Variants in CSMD1 observed in about 807,000 individuals in gnomAD.
The protein encoded by CSMD1 is CUB and sushi domain-containing protein 1.
Under a neutral mutation model 417.5 loss-of-function variants are expected in CSMD1, and 213 were observed. The observed-to-expected ratio is 0.51, with a 90% confidence interval of 0.46 to 0.57. The LOEUF is 0.57. Among genes scored for constraint, CSMD1 ranks in the 20% least tolerant of loss-of-function variants. The pLI, the probability that CSMD1 is intolerant of heterozygous loss-of-function variation, is 0.00. For missense variants in CSMD1, 6,923 were observed against 4,529.7 expected (o/e 1.53, Z -15.17); for synonymous variants, 2,862 against 1,736.8 (o/e 1.65, Z -16.11).
intron 1 of CSMD1, among the ~76,000 whole-genome samples, chr8:4,908,893 C>A (rs1202005227): frequency 6.6e-6 from 1 of 152,176 alleles, no homozygotes; most frequent in Admixed American, 6.5e-5. Flanking sequence ...CCCTGACTGG[C>A]AATGTCAACA....
intron 5 of CSMD1, among the ~76,000 whole-genome samples, chr8:3,823,366 T>C (rs950661552): frequency 6.6e-6 from 1 of 152,172 alleles, no homozygotes; most frequent in Non-Finnish European, 1.5e-5. Context: ...CCCGGTTGCA[T>C]TATTTAAAGG....
At chr8:2,994,858 A>G (rs1806739051) in intron 54 of CSMD1, among the ~76,000 whole-genome samples, 1 of 152,166 alleles carries the variant, frequency 6.6e-6, no homozygotes, top group Non-Finnish European at 1.5e-5. Flanking sequence ...TTGAATATCC[A>G]TAGGTTAAAA....
At position 3,729,943 on chromosome 8, in the gene CSMD1, A is replaced by C. The variant is rs1250126952; in HGVS notation, c.932-21452T>G. Among the ~76,000 whole-genome samples, 5 of 24,504 alleles carry C rather than the reference A, an allele frequency of 2.0e-4. No individual in the cohort carries two copies. The East Asian group carries it at 9.6e-3, about 47-fold the overall frequency. 16.1% of individuals were successfully genotyped at this position (24,504 alleles called of 152,430 possible). ...AAAGTAAAAAAAAAAAAAAAAAAAA[A>C]AAAAAAAAAAAAAAAAAACAAAAAC... On this transcript the variant is annotated intron_variant, in intron 6 of 69. Transcript: ENST00000635120.
chr8:4,100,554 G>T (rs1373703231), intron 3 of CSMD1, among the ~76,000 whole-genome samples: 1 of 152,158 alleles, frequency 6.6e-6, no homozygotes, highest in Non-Finnish European at 1.5e-5. Flanking sequence ...TCAAATCAAA[G>T]AATGTATAAA....
At chr8:3,008,567 G>A (rs983368855) in intron 52 of CSMD1, among the ~76,000 whole-genome samples, 1 of 152,172 alleles carries the variant, frequency 6.6e-6, no homozygotes, top group African/African-American at 2.4e-5. Context: ...TTCGTTTCCA[G>A]TAGAGTGAAC....
intron 2 of CSMD1, among the ~76,000 whole-genome samples, chr8:4,424,155 C>G (rs1055223702): frequency 6.6e-6 from 1 of 151,720 alleles, no homozygotes; most frequent in Non-Finnish European, 1.5e-5. Flanking sequence ...ATGCTTGACA[C>G]CAAAATTACA....
chr8:3,094,759 G>A (rs966063908), intron 47 of CSMD1, among the ~76,000 whole-genome samples: 2 of 127,856 alleles, frequency 1.6e-5, no homozygotes, highest in Non-Finnish European at 3.2e-5. Context: ...TATTCAACAT[G>A]TTTTTTGGTC....
At chr8:4,743,801 G>A (rs950480819) in intron 1 of CSMD1, among the ~76,000 whole-genome samples, 8 of 152,138 alleles carry the variant, frequency 5.3e-5, no homozygotes, top group Non-Finnish European at 1.0e-4. Flanking sequence ...GATACCCTCA[G>A]GTGCTATGAA....
intron 7 of CSMD1, among the ~76,000 whole-genome samples, chr8:3,699,634 C>T (rs982616341): frequency 6.6e-6 from 1 of 151,814 alleles, no homozygotes; most frequent in Non-Finnish European, 1.5e-5. Context: ...ATGTTACTAC[C>T]GTTATGACAG....
intron 11 of CSMD1, among the ~76,000 whole-genome samples, chr8:3,478,295 G>C (rs989857563): frequency 4.6e-5 from 7 of 152,192 alleles, no homozygotes; most frequent in Admixed American, 4.6e-4. Context: ...CAAACCTCTT[G>C]ATCTTGCAGA....
intron 1 of CSMD1, among the ~76,000 whole-genome samples, chr8:4,959,507 C>G (rs1809336880): frequency 6.6e-6 from 1 of 152,204 alleles, no homozygotes; most frequent in Non-Finnish European, 1.5e-5. Flanking sequence ...TCAAACGTAT[C>G]CAGAATCCAA....
intron 5 of CSMD1, among the ~76,000 whole-genome samples, chr8:3,895,770 A>G (rs962650932): frequency 9.2e-5 from 14 of 152,272 alleles, no homozygotes; most frequent in African/African-American, 3.4e-4. Context: ...TTTAAGAAAT[A>G]TTTCCTACGG....
intron 6 of CSMD1, among the ~76,000 whole-genome samples, chr8:3,722,689 G>T (rs1036600352): frequency 1.3e-5 from 2 of 152,130 alleles, no homozygotes; most frequent in African/African-American, 4.8e-5. Flanking sequence ...ATTGCCCTAG[G>T]ATCAATTTTT....
chr8:4,057,380 ATTTG>A (rs980603336), intron 3 of CSMD1, among the ~76,000 whole-genome samples: 12 of 148,028 alleles, frequency 8.1e-5, no homozygotes, highest in Admixed American at 4.3e-4. Context: ...TGATGGGGTT[ATTTG>A]TTTTTTTCTT....
At chr8:3,689,108 C>T (rs145061979) in intron 7 of CSMD1, among the ~76,000 whole-genome samples, 100 of 152,248 alleles carry the variant, frequency 6.6e-4, no homozygotes, top group African/African-American at 2.1e-3. Context: ...AGAAAAATAA[C>T]AGCAACCAAA....
chr8:3,516,801 G>A (rs1431400863), intron 10 of CSMD1, among the ~76,000 whole-genome samples: 1 of 152,020 alleles, frequency 6.6e-6, no homozygotes, highest in Non-Finnish European at 1.5e-5. Flanking sequence ...ACTACCATTT[G>A]GCCCAACAAT....
At chr8:3,761,877 T>C (rs1201471738) in intron 5 of CSMD1, among the ~76,000 whole-genome samples, 1 of 151,988 alleles carries the variant, frequency 6.6e-6, no homozygotes, top group Non-Finnish European at 1.5e-5. Context: ...GCAAAGGCCT[T>C]CTCTCTCCCT....
rs28463914 is a variant in CSMD1 at position 3,624,002 on chromosome 8, C to T, written c.1010-7205G>A. ...AAAACAAAACAAAACAAAAAAAAAA[C>T]CTTTCTGTACTCTGGCCATAATTAC... On this transcript the variant is annotated intron_variant, in intron 7 of 69. Transcript: ENST00000635120. 3.9e-3 allele frequency among the ~76,000 whole-genome samples: 586 copies of T among 151,792 alleles called. 3 individuals are homozygous for T. Among genetic ancestry groups the T allele is most frequent in the African/African-American group, 0.014 (561 of 41,430 alleles).
At chr8:4,092,544 ATTATT>A (rs917113308) in intron 3 of CSMD1, among the ~76,000 whole-genome samples, 7 of 152,330 alleles carry the variant, frequency 4.6e-5, no homozygotes, top group Non-Finnish European at 8.8e-5. Context: ...ATTTTGGAAA[ATTATT>A]TTAAAGAAAT....
Sources: allele counts gnomAD v4.1 joint callset (sites outside exome capture counted in the v4.1 genomes callset), GRCh38; gene constraint gnomAD v4.1.1; transcripts MANE v1.5; gene names NCBI Gene and HGNC (gene_info 2026-07-23, HGNC 2026-07-21).